Variants in PCDHA9 observed in about 807,000 individuals in gnomAD.
PCDHA9 encodes protocadherin alpha 9.
PCDHA9 carries 62 observed loss-of-function variants against 62.0 expected under a neutral mutation model. That is an observed-to-expected ratio of 1.00 (90% CI 0.81 to 1.23). The LOEUF (loss-of-function observed/expected upper bound fraction) is 1.23. Ranked by LOEUF, PCDHA9 falls within the 50% of genes most tolerant of loss-of-function variation. PCDHA9 has a pLI of 0.00. For missense variants in PCDHA9, 1,205 were observed against 1,249.8 expected (o/e 0.96, Z 0.54); for synonymous variants, 557 against 567.6 (o/e 0.98, Z 0.27).
chr5:141,007,348 C>T (rs1300636691), intron 3 of PCDHA9, among the ~76,000 whole-genome samples: 3 of 142,438 alleles, frequency 2.1e-5, no homozygotes, highest in African/African-American at 5.3e-5. Context: ...CTCAGGAGTT[C>T]GAGACCAGCC....
intron 1 of PCDHA9, chr5:140,867,560 C>G (rs1352328708): frequency 1.3e-5 from 2 of 152,070 alleles, no homozygotes; most frequent in African/African-American, 4.8e-5. Context: ...CATATGATAA[C>G]TTTTTCATAT....
intron 1 of PCDHA9, among the ~76,000 whole-genome samples, chr5:140,908,509 A>G (rs1458307706): frequency 1.3e-5 from 2 of 152,116 alleles, no homozygotes; most frequent in Non-Finnish European, 2.9e-5. Flanking sequence ...TGACTTGATG[A>G]CCCATAGTCA....
chr5:140,941,245 TTCTTTCTTTCTC>T (rs2092955664), intron 1 of PCDHA9, among the ~76,000 whole-genome samples: 1 of 140,868 alleles, frequency 7.1e-6, no homozygotes, highest in African/African-American at 2.6e-5. Flanking sequence ...CTTTCTTTCT[TTCTTTCTTTCTC>T]TTTCTTTCTT....
intron 1 of PCDHA9, among the ~76,000 whole-genome samples, chr5:140,977,702 A>C (rs1420121979): frequency 1.3e-5 from 2 of 152,190 alleles, no homozygotes; most frequent in African/African-American, 4.8e-5. Context: ...AATCTGTCTG[A>C]ATATTGAGAT....
chr5:140,882,174 C>T (rs868925922), intron 1 of PCDHA9: 1 of 1,514,752 alleles, frequency 6.6e-7, no homozygotes. Context: ...CGAATCCTTC[C>T]GCACTAGGAA....
chr5:140,862,787 A>G, intron 1 of PCDHA9: 1 of 578,112 alleles, frequency 1.7e-6, no homozygotes. Context: ...CCACTGGACT[A>G]CGAGGAGCTG....
chr5:140,969,372 T>G, intron 1 of PCDHA9: 1 of 1,606,704 alleles, frequency 6.2e-7, no homozygotes, highest in Non-Finnish European at 8.5e-7. Context: ...ACTCATGCAT[T>G]TGTTACACAT....
At chr5:140,980,842 T>C (rs376646751) in intron 2 of PCDHA9, among the ~76,000 whole-genome samples, 2 of 152,328 alleles carry the variant, frequency 1.3e-5, no homozygotes, top group Non-Finnish European at 2.9e-5. Flanking sequence ...ACCTAAATAA[T>C]ACTAATCTTT....
chr5:140,924,901 A>AAAATAAAAT (rs1554202314), intron 1 of PCDHA9, among the ~76,000 whole-genome samples: 2 of 80,456 alleles, frequency 2.5e-5, no homozygotes, highest in African/African-American at 8.6e-5. Context: ...TCTCAAAAAA[A>AAAATAAAAT]AAAATAAAAT....
At chr5:140,948,371 T>G (rs1310252601) in intron 1 of PCDHA9, among the ~76,000 whole-genome samples, 1 of 151,586 alleles carries the variant, frequency 6.6e-6, no homozygotes, top group Non-Finnish European at 1.5e-5. Flanking sequence ...TTAGGAGGTG[T>G]TCCTTCCTCT....
intron 1 of PCDHA9, among the ~76,000 whole-genome samples, chr5:140,937,181 G>A (rs573153234): frequency 5.3e-5 from 8 of 151,984 alleles, no homozygotes; most frequent in African/African-American, 1.9e-4. Context: ...GGGACTACAG[G>A]CGCCCGCCAC....
rs782395968 is a variant in PCDHA9, at chr5:141,011,916, A to G, written c.*1979A>G. ...TATTATCTATTTAGGCATTAATATA[A>G]AAGAGGTAGGAGTCTGTTATTTAAA... On this transcript the variant is annotated 3_prime_UTR_variant, in exon 4 of 4. Coordinates refer to ENST00000532602, the MANE Select transcript of PCDHA9 (RefSeq NM_031857.2). 4 of 153,828 alleles carry G rather than the reference A, an allele frequency of 2.6e-5. No individual in the cohort carries two copies. The highest frequency in any genetic ancestry group is 4.4e-5 in the Non-Finnish European group (3 of 68,030). 9.5% of individuals were successfully genotyped at this position (153,828 alleles called of 1,614,324 possible). A position where few individuals can be genotyped will look rare whatever the true frequency, so the allele number is the denominator to read the frequency against.
At position 140,926,724 on chromosome 5, in the gene PCDHA9, G is replaced by C. The variant is rs376759295; in HGVS notation, c.2395-52225G>C. 1.5e-5 allele frequency: 15 copies of C among 1,034,056 alleles called. No homozygotes were observed. In the East Asian group the frequency reaches 2.4e-4, roughly 17 times the overall value. 64.1% of individuals were successfully genotyped at this position (1,034,056 alleles called of 1,614,324 possible). On this transcript the variant is annotated intron_variant, in intron 1 of 3. Transcript: ENST00000532602. ...CCAGCTGGCCAGCCCCGGCAATGCC[G>C]GCGTTCGGGAGGCGCAACGTCGGCG...
intron 2 of PCDHA9, 175 bp downstream of exon 2, chr5:140,979,182 A>C: frequency 2.6e-5 from 24 of 928,990 alleles, no homozygotes; most frequent in Non-Finnish European, 3.1e-5. Context: ...GCAAATGGTC[A>C]GTGCCAGATG....
At chr5:140,856,081 G>T in intron 1 of PCDHA9, 1 of 1,595,042 alleles carries the variant, frequency 6.3e-7, no homozygotes, top group Non-Finnish European at 8.6e-7. Context: ...TGGGGGTCCA[G>T]TGTCTGCTGC....
At chr5:140,962,667 C>T (rs576054969) in intron 1 of PCDHA9, among the ~76,000 whole-genome samples, 1 of 152,272 alleles carries the variant, frequency 6.6e-6, no homozygotes, top group East Asian at 1.9e-4. Flanking sequence ...TTCATCTTCC[C>T]ATCCACTGGA....
intron 3 of PCDHA9, among the ~76,000 whole-genome samples, chr5:141,007,904 T>C (rs1397513381): frequency 6.6e-6 from 1 of 152,278 alleles, no homozygotes; most frequent in African/African-American, 2.4e-5. Flanking sequence ...TTGTTCTTTG[T>C]TGAAGATGCT....
intron 3 of PCDHA9, among the ~76,000 whole-genome samples, chr5:140,984,867 TA>T (rs1251384308): frequency 6.6e-6 from 1 of 152,180 alleles, no homozygotes; most frequent in Non-Finnish European, 1.5e-5. Context: ...ACACCTATTT[TA>T]TTGAGTTACC....
chr5:141,008,147 G>A (rs782783615), intron 3 of PCDHA9, among the ~76,000 whole-genome samples: 9 of 152,114 alleles, frequency 5.9e-5, no homozygotes, highest in Non-Finnish European at 1.3e-4. Context: ...CTGCTGAGAG[G>A]TTTGATAAGA....
Sources: gnomAD v4.1 joint callset for allele counts (sites outside exome capture counted in the v4.1 genomes callset) on GRCh38, gnomAD v4.1.1 for gene constraint, MANE v1.5 for transcripts, NCBI Gene and HGNC (gene_info 2026-07-23, HGNC 2026-07-21) for gene names.